Variants in RARB observed in about 807,000 individuals in gnomAD.
RARB encodes HBV-activated protein.
Under a neutral mutation model 51.9 loss-of-function variants are expected in RARB, and 17 were observed. The observed-to-expected ratio is 0.33, with a 90% CI of 0.22 to 0.49. The LOEUF (loss-of-function observed/expected upper bound fraction) is 0.49, where lower values mean the gene tolerates loss of function less well. RARB is among the 20% of genes least tolerant of loss of function. RARB has a pLI of 0.99. For missense variants in RARB, 369 were observed against 550.8 expected, an observed-to-expected ratio of 0.67 and a Z score of 3.30; for synonymous variants, 215 against 195.4, an observed-to-expected ratio of 1.10 and a Z score of -0.84.
chr3:25,534,699 A>G (rs1699066791), intron 3 of RARB, among the ~76,000 whole-genome samples: 1 of 152,130 alleles, frequency 6.6e-6, no homozygotes, highest in African/African-American at 2.4e-5. Context: ...TGTGAAACAC[A>G]TCTAATCACA....
chr3:24,967,400 G>A (rs929089432), intron 2 of RARB, among the ~76,000 whole-genome samples: 33 of 152,046 alleles, frequency 2.2e-4, no homozygotes, highest in Admixed American at 1.6e-3. Context: ...CACTACCCCC[G>A]CAAATTCTAA....
At chr3:24,988,379 C>T (rs913457810) in intron 2 of RARB, among the ~76,000 whole-genome samples, 3 of 152,140 alleles carry the variant, frequency 2.0e-5, no homozygotes, top group Admixed American at 6.5e-5. Flanking sequence ...CTATAAAATA[C>T]TTCAAATATA....
At chr3:25,383,480 C>G (rs1706691641) in intron 5 of RARB, among the ~76,000 whole-genome samples, 2 of 152,192 alleles carry the variant, frequency 1.3e-5, no homozygotes, top group African/African-American at 4.8e-5. Context: ...GTTGGTAGAA[C>G]TAGGAGGCTG....
At chr3:25,114,148 T>G (rs1414319797) in intron 3 of RARB, among the ~76,000 whole-genome samples, 1 of 152,216 alleles carries the variant, frequency 6.6e-6, no homozygotes, top group African/African-American at 2.4e-5. Context: ...AAGGCAATTA[T>G]GTGTTTACAA....
intron 1 of RARB, among the ~76,000 whole-genome samples, chr3:25,452,845 A>G (rs1203824961): frequency 6.6e-6 from 1 of 152,208 alleles, no homozygotes; most frequent in Non-Finnish European, 1.5e-5. Context: ...CATGGTCCCT[A>G]ACACAGTAGG....
rs143614917 is a variant in RARB, at chr3:24,926,810, G to T, written c.-380+68058G>T. Among the ~76,000 whole-genome samples the T allele has an allele frequency of 6.6e-3, 1,005 of 152,144 alleles. 9 individuals carry two copies. The highest frequency in any genetic ancestry group is 0.023 in the African/African-American group (957 of 41,508). ...AAGAACAAACTATATTGTTCAAATA[G>T]TTGTATAGTTATGATAAATTCCCCA... On this transcript the variant is annotated intron_variant, in intron 2 of 11. Transcript: ENST00000383772.
intron 3 of RARB, among the ~76,000 whole-genome samples, chr3:25,104,024 C>G (rs1009060112): frequency 1.3e-5 from 2 of 152,180 alleles, no homozygotes; most frequent in Non-Finnish European, 2.9e-5. Context: ...ATATGCCGTA[C>G]AGTTTCTACC....
rs545555895 is a variant in RARB, at chr3:25,255,163, T to A, written c.178+80588T>A. ...AGCATCAGATGAATGTCTACTTAGT[T>A]CTCTCATGCAGTCTTCCCCCACCTT... is the stretch of plus-strand genomic sequence containing the variant. On this transcript the variant is annotated intron_variant, in intron 5 of 11. Transcript: ENST00000383772. Among the ~76,000 whole-genome samples the A allele has an allele frequency of 2.0e-5, 3 of 152,248 alleles. No homozygotes were observed. In the South Asian group the frequency reaches 6.2e-4, roughly 32 times the overall value.
At chr3:24,994,552 A>G (rs1000174221) in intron 2 of RARB, among the ~76,000 whole-genome samples, 10 of 151,918 alleles carry the variant, frequency 6.6e-5, no homozygotes, top group African/African-American at 2.2e-4. Context: ...TTCAGGTCTT[A>G]CTCATAAAAT....
intron 1 of RARB, among the ~76,000 whole-genome samples, chr3:24,831,439 T>C (rs1225251047): frequency 3.3e-5 from 5 of 152,180 alleles, no homozygotes; most frequent in Admixed American, 1.3e-4. Context: ...CAGGGAGTAA[T>C]TTGGTAATAT....
intron 2 of RARB, among the ~76,000 whole-genome samples, chr3:24,988,897 C>T (rs1156859964): frequency 6.6e-6 from 1 of 152,138 alleles, no homozygotes; most frequent in Non-Finnish European, 1.5e-5. Context: ...GCAATCTGGG[C>T]TCACTGCAAC....
chr3:25,225,598 T>C (rs1257290000), intron 5 of RARB, among the ~76,000 whole-genome samples: 1 of 152,134 alleles, frequency 6.6e-6, no homozygotes, highest in African/African-American at 2.4e-5. Context: ...CAAAATAGGA[T>C]ATTGATAGAA....
At position 25,519,609 on chromosome 3, in the gene RARB, C is replaced by A. The variant is rs971774434; in HGVS notation, c.448+18286C>A. Among the ~76,000 whole-genome samples, 20 of 152,038 alleles carry A rather than the reference C, an allele frequency of 1.3e-4. 1 individual carries two copies. The highest frequency in any genetic ancestry group is 4.8e-4 in the African/African-American group (20 of 41,396). On this transcript the variant is annotated intron_variant, in intron 3 of 7. Coordinates refer to ENST00000330688, the MANE Select transcript of RARB (RefSeq NM_000965.5). ...GCACAGTTTGATCTCATATTTGTAA[C>A]AACACATAAGATTTGAAAGATAAAA...
intron 3 of RARB, among the ~76,000 whole-genome samples, chr3:25,074,678 A>G (rs574171962): frequency 1.3e-5 from 2 of 152,300 alleles, no homozygotes; most frequent in South Asian, 4.2e-4. Context: ...TGTATATCAA[A>G]GACTTACTAC....
intron 1 of RARB, among the ~76,000 whole-genome samples, chr3:24,856,106 TTGAG>T (rs1379190656): frequency 2.0e-5 from 3 of 152,280 alleles, no homozygotes; most frequent in Non-Finnish European, 2.9e-5. Context: ...ATACAATATT[TTGAG>T]TATCTTCATT....
chr3:24,840,674 A>G (rs1702409184), intron 1 of RARB, among the ~76,000 whole-genome samples: 2 of 150,710 alleles, frequency 1.3e-5, no homozygotes, highest in African/African-American at 4.9e-5. Flanking sequence ...ATAGCATTGG[A>G]ATGTAAATGG....
At chr3:25,258,830 A>C (rs1465851141) in intron 5 of RARB, among the ~76,000 whole-genome samples, 2 of 152,008 alleles carry the variant, frequency 1.3e-5, no homozygotes, top group Non-Finnish European at 2.9e-5. Context: ...ACTTTAACAC[A>C]ACTCTCTCTT....
At chr3:25,370,032 CAG>C (rs1335081753) in intron 5 of RARB, among the ~76,000 whole-genome samples, 7 of 152,080 alleles carry the variant, frequency 4.6e-5, no homozygotes, top group Admixed American at 3.3e-4. Context: ...GAGCAGAAAA[CAG>C]AACAAAACAC....
intron 5 of RARB, among the ~76,000 whole-genome samples, chr3:25,290,104 C>A (rs1703749461): frequency 6.6e-6 from 1 of 152,158 alleles, no homozygotes; most frequent in African/African-American, 2.4e-5. Context: ...AAGCATTGAG[C>A]TATTTACATA....
Sources: allele counts gnomAD v4.1 joint callset (sites outside exome capture counted in the v4.1 genomes callset), GRCh38; gene constraint gnomAD v4.1.1; transcripts MANE v1.5; gene names NCBI Gene and HGNC (gene_info 2026-07-23, HGNC 2026-07-21).